ZNF444: variants seen among roughly 807,000 people sequenced by gnomAD.
The protein encoded by ZNF444 is endothelial zinc finger protein 2.
Under a neutral mutation model 14.4 loss-of-function variants are expected in ZNF444, and 8 were observed. The observed-to-expected ratio is 0.56, with a 90% confidence interval of 0.33 to 1.00. The LOEUF (loss-of-function observed/expected upper bound fraction) is 1.00. Ranked by LOEUF, ZNF444 falls within the 50% of genes least tolerant of loss-of-function variation. The pLI, the probability that ZNF444 is intolerant of heterozygous loss-of-function variation, is 0.03. For synonymous variants in ZNF444, 258 were observed against 235.9 expected, an observed-to-expected ratio of 1.09 and a Z score of -0.86; for missense variants, 510 against 504.8, an observed-to-expected ratio of 1.01 and a Z score of -0.10.
intron 1 of ZNF444, among the ~76,000 whole-genome samples, chr19:56,136,102 G>A (rs1262771881): frequency 1.2e-3 from 64 of 55,210 alleles, no homozygotes; most frequent in Middle Eastern, 0.011. Flanking sequence ...AAAAAAAAAA[G>A]CTAAAAAAAA....
chr19:56,148,487 C>T (rs1045769898), intron 3 of ZNF444, among the ~76,000 whole-genome samples: 8 of 152,114 alleles, frequency 5.3e-5, no homozygotes, highest in African/African-American at 1.2e-4. Flanking sequence ...CCATGGCAGC[C>T]GGGCGGCCTT....
chr19:56,144,132 G>T lies in ZNF444; in HGVS notation c.-196-2115G>T, dbSNP rs1357390609. The stretch of plus-strand genomic sequence containing the variant: ...GAGACCAGCCTGGGCAATATAGTGA[G>T]ACCCTGTCTCTACAAAAAATATAAA... On this transcript the variant is annotated intron_variant, in intron 1 of 4. Transcript: ENST00000337080. This position sits in a 1 kb window ranked among gnomAD's most constrained non-coding sequence, Gnocchi z 4.0. Among the ~76,000 whole-genome samples, 1 of 152,044 alleles carries T rather than the reference G, an allele frequency of 6.6e-6. No homozygotes were observed. The highest frequency in any genetic ancestry group is 1.9e-4 in the East Asian group (1 of 5,182).
chr19:56,139,802 T>A (rs1301322986), upstream of ZNF444, among the ~76,000 whole-genome samples: 3 of 151,556 alleles, frequency 2.0e-5, no homozygotes, highest in Non-Finnish European at 2.9e-5. Context: ...CTTTCTAAGA[T>A]GGTGGAGTAA....
Position 56,146,963 on chromosome 19 carries a change from T to G in ZNF444, c.52T>G (p.Ser18Ala). ...KQEAEGLALDSPWHRFRRFHL... is the reference protein window; with the variant it reads ...KQEAEGLALDAPWHRFRRFHL... ...GGAGGCCGAGGGCCTGGCGCTGGAC[T>G]CCCCGTGGCACCGCTTCCGCCGCTT... is the stretch of plus-strand genomic sequence containing the variant. Residue 18 changes from serine (S) to alanine (A), a missense_variant, in exon 3 of 5, where the codon TCC becomes GCC. Transcript: ENST00000337080. The G allele has an allele frequency of 6.9e-7, 1 of 1,443,708 alleles. No homozygotes were observed. Among genetic ancestry groups the G allele is most frequent in the Non-Finnish European group, 9.0e-7 (1 of 1,108,002 alleles). The allele number at this position is 1,443,708 out of a possible 1,614,324, so 89.4% of individuals were successfully genotyped here. A position where few individuals can be genotyped will look rare whatever the true frequency, so the allele number is the denominator to read the frequency against.
At chr19:56,155,733 T>A (rs1433972579) in intron 3 of ZNF444, 1 of 152,268 alleles carries the variant, frequency 6.6e-6, no homozygotes, top group African/African-American at 2.4e-5. Flanking sequence ...GGAAAAAACG[T>A]ACTCAAAGTA....
At position 56,147,118 on chromosome 19, in the gene ZNF444, G is replaced by C. The variant is rs766369855; in HGVS notation, c.207G>C (p.Leu69=). 3 of 1,576,568 alleles carry C rather than the reference G, an allele frequency of 1.9e-6. No individual in the cohort carries two copies. The Admixed American group carries it at 5.4e-5, about 28-fold the overall frequency. Residue 69 remains leucine (L), a synonymous_variant, in exon 3 of 5, where the codon CTG becomes CTC. Transcript: ENST00000337080. This position sits in a 1 kb window ranked among gnomAD's most constrained non-coding sequence, Gnocchi z 5.9. ...AGCTGCTGGTGCTGGAACAGTTCCT[G>C]AGCGCGCTGCCCGCCGACACGCAGG... ...MLELLVLEQF[L]SALPADTQAW...
chr19:56,158,010 AGTT>A (rs2032015001), intron 3 of ZNF444: 1 of 152,308 alleles, frequency 6.6e-6, no homozygotes, highest in African/African-American at 2.4e-5. Flanking sequence ...TTTTTTCCCA[AGTT>A]AAAAGTAGCT....
Position 56,158,324 on chromosome 19 carries a change from G to C in ZNF444, c.298-170G>C, listed in dbSNP as rs1366564765. On this transcript the variant is annotated intron_variant, in intron 3 of 4. Transcript: ENST00000337080. ...TGGCAGGGGGTTGGCAGGAGGCCTT[G>C]GTTCCTCACCTGGGGGCCTCTCTGT... The C allele has an allele frequency of 5.2e-6, 3 of 581,082 alleles. No homozygotes were observed. The African/African-American group carries it at 5.8e-5, about 11-fold the overall frequency. The allele number at this position is 581,082 out of a possible 1,614,324, so 36.0% of individuals were successfully genotyped here. A position where few individuals can be genotyped will look rare whatever the true frequency, so the allele number is the denominator to read the frequency against.
At position 56,147,060 on chromosome 19, in the gene ZNF444, G is replaced by T; in HGVS notation, c.149G>T (p.Arg50Leu). The stretch of plus-strand genomic sequence containing the variant: ...CGCGCCCTGTGCCGGGACTGGCTGC[G>T]GCCCGAGGTGCACACCAAGGAGCAG... ...LLRALCRDWL[R>L]PEVHTKEQML... is the part of the protein sequence containing the mutation. Residue 50 changes from arginine (R) to leucine (L), a missense_variant, in exon 3 of 5, where the codon CGG (arginine) becomes CTG (leucine). By Grantham distance (102) the Arg-to-Leu change is moderately radical. Transcript: ENST00000337080. This position sits in a 1 kb window ranked among gnomAD's most constrained non-coding sequence, Gnocchi z 5.9. The T allele has an allele frequency of 6.3e-7, 1 of 1,575,012 alleles. No individual in the cohort carries two copies. The highest frequency in any genetic ancestry group is 1.2e-5 in the South Asian group (1 of 86,954).
chr19:56,152,913 C>G (rs184780807), intron 3 of ZNF444, among the ~76,000 whole-genome samples: 1 of 152,282 alleles, frequency 6.6e-6, no homozygotes, highest in Non-Finnish European at 1.5e-5. Context: ...AGGATTTCAA[C>G]ATAGAATTTG....
Position 56,147,003 on chromosome 19 carries a change from C to T in ZNF444, c.92C>T (p.Ala31Val), listed in dbSNP as rs1223080876. The T allele has an allele frequency of 4.8e-6, 7 of 1,450,034 alleles. No individual in the cohort carries two copies. The highest frequency in any genetic ancestry group is 6.3e-6 in the Non-Finnish European group (7 of 1,109,816). The allele number at this position is 1,450,034 out of a possible 1,614,324, so 89.8% of individuals were successfully genotyped here. A position where few individuals can be genotyped will look rare whatever the true frequency, so the allele number is the denominator to read the frequency against. Residue 31 changes from alanine to valine, a missense_variant, in exon 3 of 5, where the codon GCG (alanine) becomes GTG (valine). By Grantham distance (64) the Ala-to-Val change is moderately conservative (BLOSUM62 0). Coordinates refer to ENST00000337080, the MANE Select transcript of ZNF444 (RefSeq NM_018337.4). The surrounding 1 kb of genome is among the most constrained non-coding windows in gnomAD (Gnocchi z 5.9). ...HRFRRFHLGD[A>V]PGPREALGLL... ...TTCCGCCGCTTCCACCTGGGCGACG[C>T]GCCGGGCCCGCGGGAGGCGCTGGGG...
At chr19:56,139,453 C>T (rs1238470800), upstream of ZNF444, among the ~76,000 whole-genome samples, 7 of 151,860 alleles carry the variant, frequency 4.6e-5, no homozygotes, top group South Asian at 4.2e-4. Flanking sequence ...TTTGGGAGGC[C>T]GAGGAGGCAG....
In ZNF444 at chr19:56,147,177, A is replaced by G. The variant is rs1600017923; in HGVS notation, c.266A>G (p.Glu89Gly). 1 of 1,478,724 alleles carries G rather than the reference A, an allele frequency of 6.8e-7. No individual in the cohort carries two copies. The highest frequency in any genetic ancestry group is 2.7e-5 in the East Asian group (1 of 37,272). The allele number at this position is 1,478,724 out of a possible 1,614,324, so 91.6% of individuals were successfully genotyped here. ...TGCAGCCGGCAGCCGCAGAGCGGGG[A>G]GGAGGCGGTGGCCCTGCTGGAGGAG... Reference protein sequence around the residue: ...WVCSRQPQSGEEAVALLEELW... With the variant: ...WVCSRQPQSGGEAVALLEELW... Residue 89 changes from glutamate to glycine, a missense_variant, in exon 3 of 5, where the codon GAG (glutamate) becomes GGG (glycine). Physicochemically the swap from Glu to Gly is moderately conservative, Grantham distance 98. Coordinates refer to ENST00000337080, the MANE Select transcript of ZNF444 (RefSeq NM_018337.4). The surrounding 1 kb of genome is among the most constrained non-coding windows in gnomAD (Gnocchi z 5.9).
rs2032217919 is a variant in ZNF444, at chr19:56,160,348, G to A, written c.*147G>A. On this transcript the variant is annotated 3_prime_UTR_variant, in exon 5 of 5. Coordinates refer to ENST00000337080, the MANE Select transcript of ZNF444 (RefSeq NM_018337.4). ...GCCTCCCTTGTCTGAACTTCCCAAC[G>A]CCTTCCTATTCCTTTCCAACTCCTT... 1.6e-6 allele frequency: 1 copy of A among 606,110 alleles called. No homozygotes were observed. Among genetic ancestry groups the A allele is most frequent in the Non-Finnish European group, 2.6e-6 (1 of 378,620 alleles). 37.5% of individuals were successfully genotyped at this position (606,110 alleles called of 1,614,324 possible). A position where few individuals can be genotyped will look rare whatever the true frequency, so the allele number is the denominator to read the frequency against.
At position 56,147,035 on chromosome 19, in the gene ZNF444, C is replaced by T. The variant is rs1420566700; in HGVS notation, c.124C>T (p.Arg42Cys). 1.3e-6 allele frequency: 2 copies of T among 1,536,720 alleles called. No homozygotes were observed. The highest frequency in any genetic ancestry group is 1.4e-5 in the African/African-American group (1 of 70,456). Residue 42 changes from arginine (R) to cysteine (C), a missense_variant, in exon 3 of 5, where the codon CGC becomes TGC. Physicochemically the swap from Arg to Cys is radical, Grantham distance 180. Transcript: ENST00000337080. The surrounding 1 kb of genome is among the most constrained non-coding windows in gnomAD (Gnocchi z 5.9). ...CCCGCGGGAGGCGCTGGGGCTGCTC[C>T]GCGCCCTGTGCCGGGACTGGCTGCG... ...PGPREALGLL[R>C]ALCRDWLRPE...
upstream of ZNF444, among the ~76,000 whole-genome samples, chr19:56,138,376 C>A (rs966052490): frequency 5.9e-5 from 9 of 151,848 alleles, no homozygotes; most frequent in African/African-American, 2.2e-4. Context: ...CCTGTAATCC[C>A]AACACTTTGG....
Position 56,160,413 on chromosome 19 carries a change from GC to G in ZNF444, c.*220del, listed in dbSNP as rs558937136. 1.4e-4 allele frequency: 67 copies of G among 479,762 alleles called. No homozygotes were observed. The highest frequency in any genetic ancestry group is 2.4e-4 in the South Asian group (7 of 29,602). The allele number at this position is 479,762 out of a possible 1,614,324, so 29.7% of individuals were successfully genotyped here. A position where few individuals can be genotyped will look rare whatever the true frequency, so the allele number is the denominator to read the frequency against. ...ACTTTCCTTCTCAGGTCTCACCTCAGCCCCCCCCTTCTCCCTGATTTCTCGG... is the reference window on the plus strand; with the variant it reads ...ACTTTCCTTCTCAGGTCTCACCTCAGCCCCCCCTTCTCCCTGATTTCTCGG... On this transcript the variant is annotated 3_prime_UTR_variant, in exon 5 of 5. Coordinates refer to ENST00000337080, the MANE Select transcript of ZNF444 (RefSeq NM_018337.4).
chr19:56,158,423 G>A (rs1348897520), intron 3 of ZNF444, 71 bp from the exon 4 acceptor site: 5 of 1,392,010 alleles, frequency 3.6e-6, no homozygotes, highest in East Asian at 2.5e-5. Context: ...GCTGGTCGAC[G>A]GTGGTTGGGA....
upstream of ZNF444, among the ~76,000 whole-genome samples, chr19:56,138,265 A>T (rs1305991167): frequency 6.6e-6 from 1 of 152,186 alleles, no homozygotes; most frequent in Non-Finnish European, 1.5e-5. Flanking sequence ...CTGCCAAGTT[A>T]AATAAGTCAG....
Sources: allele counts gnomAD v4.1 joint callset (sites outside exome capture counted in the v4.1 genomes callset), GRCh38; gene constraint gnomAD v4.1.1; non-coding constraint Gnocchi (gnomAD v3.1); transcripts MANE v1.5; gene names NCBI Gene and HGNC (gene_info 2026-07-23, HGNC 2026-07-21).